The following RCCD1 variants were observed in gnomAD, a reference collection of about 807,000 sequenced individuals.
The protein encoded by RCCD1 is RCC1 domain containing 1, also known as RCC1 domain-containing protein 1.
In RCCD1, 40 loss-of-function variants were observed where a neutral mutation model predicts 37.6. The observed-to-expected ratio is 1.06, with a 90% CI of 0.83 to 1.39. The LOEUF (loss-of-function observed/expected upper bound fraction) is 1.39, where lower values mean the gene tolerates loss of function less well. RCCD1 is among the 40% of genes most tolerant of loss of function. The probability of loss-of-function intolerance (pLI) is 0.00; values close to 1 mark genes in which losing one functional copy is unlikely to be tolerated. For synonymous variants in RCCD1, 263 were observed against 230.0 expected (o/e 1.14, Z -1.30); for missense variants, 577 against 517.3 (o/e 1.12, Z -1.12).
In RCCD1 at chr15:90,961,727, G is replaced by A. The variant is rs373496839; in HGVS notation, c.1089G>A (p.Pro363=). ...QLQVKAVTCG[P]WNTYVYAVEK... The stretch of plus-strand genomic sequence containing the variant: ...AAGTAAAGGCTGTCACCTGTGGGCC[G>A]TGGAACACCTACGTGTATGCTGTGG... The change falls in exon 8 of 8, where the codon CCG becomes CCA. Residue 363 remains proline, a synonymous_variant. Coordinates refer to ENST00000394258, the MANE Select transcript of RCCD1 (RefSeq NM_001017919.2). The A allele has an allele frequency of 5.0e-5, 81 of 1,614,042 alleles. No homozygotes were observed. In the South Asian group the frequency reaches 6.1e-4, roughly 12 times the overall value.
At chr15:90,956,139 C>A (rs2037187423) in intron 1 of RCCD1, among the ~76,000 whole-genome samples, 1 of 152,208 alleles carries the variant, frequency 6.6e-6, no homozygotes, top group Non-Finnish European at 1.5e-5. Context: ...CCCAAGGCCC[C>A]GCTGAGTTGC....
rs2037212720 is a variant in RCCD1 at position 90,957,136 on chromosome 15, G to A, written c.190G>A (p.Gly64Ser). The A allele has an allele frequency of 1.5e-6, 2 of 1,359,450 alleles. No homozygotes were observed. 84.2% of individuals were successfully genotyped at this position (1,359,450 alleles called of 1,614,324 possible). A position where few individuals can be genotyped will look rare whatever the true frequency, so the allele number is the denominator to read the frequency against. ...AGGTGGAGGCCGCTTGGAGCTGTCG[G>A]GCTCAGCCAGCGGCGCGGCGGGCCG... ...VTRGGRLELSGSASGAAGRCK... is the reference protein window; with the variant it reads ...VTRGGRLELSSSASGAAGRCK... The change falls in exon 3 of 8, where the codon GGC becomes AGC. Residue 64 changes from glycine to serine, a missense_variant. Transcript: ENST00000394258.
chr15:90,962,757 A>ATG lies in RCCD1; in HGVS notation c.*990_*991dup, dbSNP rs1692341035. ...TGTTCAAGTTTTCTGGCCTTTTAAA[A>ATG]TGTTCTGTATTTTCCTTAGTGATTT... On this transcript the variant is annotated 3_prime_UTR_variant, in exon 8 of 8. Transcript: ENST00000394258. 1 of 152,220 alleles carries ATG rather than the reference A, an allele frequency of 6.6e-6. No homozygotes were observed. The highest frequency in any genetic ancestry group is 2.4e-5 in the African/African-American group (1 of 41,462). 9.4% of individuals were successfully genotyped at this position (152,220 alleles called of 1,614,324 possible).
chr15:90,960,879 C>A, intron 6 of RCCD1, 146 bp from the exon 7 acceptor site: 3 of 806,482 alleles, frequency 3.7e-6, no homozygotes, highest in Non-Finnish European at 6.5e-6. Context: ...TGTGATCAGC[C>A]AGTTGTTAAG....
intron 1 of RCCD1, 192 bp downstream of exon 1, chr15:90,955,140 C>A (rs962233504): frequency 6.6e-5 from 10 of 152,246 alleles, no homozygotes; most frequent in Non-Finnish European, 8.8e-5. Flanking sequence ...GGTCCAACGC[C>A]CCTCGGAGGT....
chr15:90,957,708 A>C lies in RCCD1; in HGVS notation c.662A>C (p.His221Pro), dbSNP rs2037231340. 1 of 1,611,496 alleles carries C rather than the reference A, an allele frequency of 6.2e-7. No homozygotes were observed. Among genetic ancestry groups the C allele is most frequent in the Non-Finnish European group, 8.5e-7 (1 of 1,178,598 alleles). The change falls in exon 4 of 8, where the codon CAT becomes CCT. Residue 221 changes from histidine (H) to proline (P), a missense_variant. Physicochemically the swap from His to Pro is moderately conservative, Grantham distance 77. Transcript: ENST00000394258. ...GCTGAGGTGGCCGCGGGGGGCTGGC[A>C]TTCTGTGTGTGTGAGTGGTGAGTGA... ...VMAEVAAGGWHSVCVSETGDI... is the reference protein window; with the variant it reads ...VMAEVAAGGWPSVCVSETGDI...
chr15:90,961,030 G>C lies in RCCD1; in HGVS notation c.955G>C (p.Gly319Arg). 1 of 1,603,392 alleles carries C rather than the reference G, an allele frequency of 6.2e-7. No homozygotes were observed. The highest frequency in any genetic ancestry group is 1.7e-4 in the Middle Eastern group (1 of 5,978). ...GATTGTCCTTTTGCTTTCAGGAACAGGGGAGCTCTACACCTGGGGCTGGGG... is the reference window on the plus strand; with the variant it reads ...GATTGTCCTTTTGCTTTCAGGAACACGGGAGCTCTACACCTGGGGCTGGGG... Reference protein sequence around the residue: ...SRHTAVVTRTGELYTWGWGKY... With the variant: ...SRHTAVVTRTRELYTWGWGKY... The change falls in exon 7 of 8, where the codon GGG becomes CGG. Residue 319 changes from glycine to arginine, a missense_variant. Transcript: ENST00000394258.
In RCCD1 at chr15:90,962,349, TTGA is replaced by T. The variant is rs2037332587; in HGVS notation, c.*583_*585del. 1 of 152,246 alleles carries T rather than the reference TTGA, an allele frequency of 6.6e-6. No homozygotes were observed. Among genetic ancestry groups the T allele is most frequent in the Non-Finnish European group, 1.5e-5 (1 of 68,056 alleles). The allele number at this position is 152,246 out of a possible 1,614,324, so 9.4% of individuals were successfully genotyped here. A position where few individuals can be genotyped will look rare whatever the true frequency, so the allele number is the denominator to read the frequency against. The stretch of plus-strand genomic sequence containing the variant: ...TAATACCTCAAGTGATACAGCCTTG[TTGA>T]TGGTCATTTTTATTGTTTCTGATTT... On this transcript the variant is annotated 3_prime_UTR_variant, in exon 8 of 8. Coordinates refer to ENST00000394258, the MANE Select transcript of RCCD1 (RefSeq NM_001017919.2).
At chr15:90,960,989 C>T (rs1567169733) in intron 6 of RCCD1, 36 bp from the exon 7 acceptor site, 4 of 1,611,892 alleles carry the variant, frequency 2.5e-6, no homozygotes, top group Middle Eastern at 1.6e-4. Context: ...GCCAAAGAAC[C>T]GTAGTGACAA....
intron 4 of RCCD1, among the ~76,000 whole-genome samples, chr15:90,958,961 A>T (rs960784764): frequency 2.0e-5 from 3 of 151,688 alleles, no homozygotes; most frequent in African/African-American, 7.3e-5. Context: ...AACAAAAAAA[A>T]AAAACCCCAA....
intron 7 of RCCD1, 175 bp downstream of exon 7, chr15:90,961,229 C>T (rs536695000): frequency 5.9e-5 from 37 of 632,202 alleles, no homozygotes; most frequent in Middle Eastern, 4.3e-4. Context: ...GCGCTCAGTC[C>T]GAGGCCAGAC....
intron 1 of RCCD1, 147 bp from the exon 2 acceptor site, chr15:90,956,465 A>G (rs922363886): frequency 1.1e-5 from 4 of 352,168 alleles, no homozygotes; most frequent in Admixed American, 4.8e-5. Context: ...AGCTTGAGCC[A>G]AAAGGGAGGA....
chr15:90,961,654 G>A lies in RCCD1; in HGVS notation c.1016G>A (p.Ser339Asn). The A allele has an allele frequency of 6.2e-7, 1 of 1,614,132 alleles. No individual in the cohort carries two copies. The highest frequency in any genetic ancestry group is 8.5e-7 in the Non-Finnish European group (1 of 1,180,006). Residue 339 changes from serine (S) to asparagine (N), a missense_variant, in exon 8 of 8, where the codon AGC (serine) becomes AAC (asparagine). Coordinates refer to ENST00000394258, the MANE Select transcript of RCCD1 (RefSeq NM_001017919.2). The stretch of plus-strand genomic sequence containing the variant: ...CAGCTGGGCCACGAGGACACCACCA[G>A]CTTGGATCGGCCTCGCCGTGTGGAA... ...YGQLGHEDTT[S>N]LDRPRRVEYF...
rs903631778 is a variant in RCCD1 at position 90,962,683 on chromosome 15, G to A, written c.*914G>A. ...AAGCAGGGAGATTGCTTGAGGCGAA[G>A]AGTTCATATGTTTATTGGCCACTTG... is the stretch of plus-strand genomic sequence containing the variant. On this transcript the variant is annotated 3_prime_UTR_variant, in exon 8 of 8. Transcript: ENST00000394258. The A allele has an allele frequency of 3.1e-4, 47 of 152,326 alleles. No individual in the cohort carries two copies. The highest frequency in any genetic ancestry group is 1.0e-3 in the African/African-American group (43 of 41,580). The allele number at this position is 152,326 out of a possible 1,614,324, so 9.4% of individuals were successfully genotyped here. A position where few individuals can be genotyped will look rare whatever the true frequency, so the allele number is the denominator to read the frequency against.
Position 90,962,790 on chromosome 15 carries a change from G to A in RCCD1, c.*1021G>A, listed in dbSNP as rs1209272779. 2.6e-5 allele frequency: 4 copies of A among 152,056 alleles called. No individual in the cohort carries two copies. The highest frequency in any genetic ancestry group is 9.7e-5 in the African/African-American group (4 of 41,404). The allele number at this position is 152,056 out of a possible 1,614,324, so 9.4% of individuals were successfully genotyped here. A position where few individuals can be genotyped will look rare whatever the true frequency, so the allele number is the denominator to read the frequency against. On this transcript the variant is annotated 3_prime_UTR_variant, in exon 8 of 8. Coordinates refer to ENST00000394258, the MANE Select transcript of RCCD1 (RefSeq NM_001017919.2). ...TATTTTCCTTAGTGATTTTTCTTTT[G>A]GATATTTCAGATACAAGTCTTTTGA...
At position 90,961,826 on chromosome 15, in the gene RCCD1, A is replaced by G. The variant is rs547290940; in HGVS notation, c.*57A>G. On this transcript the variant is annotated 3_prime_UTR_variant, in exon 8 of 8. Transcript: ENST00000394258. Reference sequence around the variant, plus strand: ...TGAGACCCCCATTCAGGTCAAGGAAAACCATTGCCTGCACCCCAAGGGCCC... The same window carrying G: ...TGAGACCCCCATTCAGGTCAAGGAAGACCATTGCCTGCACCCCAAGGGCCC... 463 of 1,551,062 alleles carry G rather than the reference A, an allele frequency of 3.0e-4. 1 individual carries two copies. The highest frequency in any genetic ancestry group is 4.5e-5 in the Non-Finnish European group (51 of 1,140,144).
Position 90,956,719 on chromosome 15 carries a change from A to G in RCCD1, c.-16A>G, listed in dbSNP as rs761271627. The G allele has an allele frequency of 5.5e-6, 7 of 1,280,660 alleles. No individual in the cohort carries two copies. In the South Asian group the frequency reaches 1.8e-4, roughly 33 times the overall value. 79.3% of individuals were successfully genotyped at this position (1,280,660 alleles called of 1,614,324 possible). On this transcript the variant is annotated 5_prime_UTR_variant, in exon 2 of 8. Coordinates refer to ENST00000394258, the MANE Select transcript of RCCD1 (RefSeq NM_001017919.2). ...GCCGCAGCCAGGCGGCGGCCGGCAG[A>G]GGGCGCTGCTCGGGCATGGCGGAGG...
chr15:90,959,877 T>C (rs2037278103), intron 4 of RCCD1, 23 bp from the exon 5 acceptor site: 2 of 1,545,340 alleles, frequency 1.3e-6, no homozygotes, highest in African/African-American at 2.7e-5. Context: ...GTCTGTTTCA[T>C]GTGTCCCCTT....
rs2037298584 is a variant in RCCD1, at chr15:90,960,746, C to T, written c.949+248C>T. ...CCCTGCACGGCCACAGACACATTCCCTGCCCGCCGCCGCCTCTGACAGCAG... is the reference window on the plus strand; with the variant it reads ...CCCTGCACGGCCACAGACACATTCCTTGCCCGCCGCCGCCTCTGACAGCAG... On this transcript the variant is annotated intron_variant, in intron 6 of 7. Transcript: ENST00000394258. 3.3e-5 allele frequency: 20 copies of T among 612,470 alleles called. No individual in the cohort carries two copies. The South Asian group carries it at 3.7e-4, about 11-fold the overall frequency. 37.9% of individuals were successfully genotyped at this position (612,470 alleles called of 1,614,324 possible). A position where few individuals can be genotyped will look rare whatever the true frequency, so the allele number is the denominator to read the frequency against.
Sources: allele counts gnomAD v4.1 joint callset (sites outside exome capture counted in the v4.1 genomes callset), GRCh38; gene constraint gnomAD v4.1.1; transcripts MANE v1.5; gene names NCBI Gene and HGNC (gene_info 2026-07-23, HGNC 2026-07-21).